KIAA1958: variants seen among roughly 807,000 people sequenced by gnomAD.
KIAA1958 encodes the protein KIAA1958.
Under a neutral mutation model 47.2 loss-of-function variants are expected in KIAA1958, and 14 were observed. The observed-to-expected ratio is 0.30, with a 90% CI of 0.20 to 0.46. The LOEUF is 0.46. Among genes scored for constraint, KIAA1958 ranks in the 20% least tolerant of loss-of-function variants. The pLI, the probability that KIAA1958 is intolerant of heterozygous loss-of-function variation, is 1.00. For synonymous variants in KIAA1958, 354 were observed against 353.3 expected, an observed-to-expected ratio of 1.00 and a Z score of -0.02; for missense variants, 803 against 909.2, an observed-to-expected ratio of 0.88 and a Z score of 1.50.
At chr9:112,643,865 G>A (rs1306835491) in intron 2 of KIAA1958, among the ~76,000 whole-genome samples, 1 of 152,064 alleles carries the variant, frequency 6.6e-6, no homozygotes, top group African/African-American at 2.4e-5. Flanking sequence ...AAAAAAAGAC[G>A]GTATTTTGAT....
Position 112,489,038 on chromosome 9 carries a change from A to C in KIAA1958, c.-25+1920A>C, listed in dbSNP as rs569269213. Among the ~76,000 whole-genome samples, 11 of 152,342 alleles carry C rather than the reference A, an allele frequency of 7.2e-5. No individual in the cohort carries two copies. The South Asian group carries it at 2.3e-3, about 32-fold the overall frequency. On this transcript the variant is annotated intron_variant, in intron 1 of 3. Transcript: ENST00000337530. The stretch of plus-strand genomic sequence containing the variant: ...CAGTCTGCATTAGGTAAATGAATTT[A>C]AATTCTGCACAGAAGCACAGCTCAG...
intron 1 of KIAA1958, among the ~76,000 whole-genome samples, chr9:112,562,218 T>C (rs561608793): frequency 4.5e-4 from 68 of 152,376 alleles, no homozygotes; most frequent in Admixed American, 7.2e-4. Flanking sequence ...TGAGCAATTA[T>C]GAAGTGATTA....
At chr9:112,517,457 T>G (rs1031021426) in intron 1 of KIAA1958, among the ~76,000 whole-genome samples, 4 of 152,242 alleles carry the variant, frequency 2.6e-5, no homozygotes, top group Non-Finnish European at 5.9e-5. Context: ...AAACGGATGA[T>G]AGGATTAATA....
At chr9:112,561,255 C>G (rs552416934) in intron 1 of KIAA1958, among the ~76,000 whole-genome samples, 1 of 151,896 alleles carries the variant, frequency 6.6e-6, no homozygotes. Context: ...GGGGTTTCAC[C>G]GTGTTAGCCA....
At chr9:112,613,085 A>G (rs530661299) in intron 2 of KIAA1958, among the ~76,000 whole-genome samples, 1 of 152,186 alleles carries the variant, frequency 6.6e-6, no homozygotes, top group Non-Finnish European at 1.5e-5. Flanking sequence ...TGAAAATTAT[A>G]TATAATCAAC....
chr9:112,574,059 G>C lies in KIAA1958; in HGVS notation c.-22G>C, dbSNP rs748782585. The C allele has an allele frequency of 1.4e-6, 2 of 1,472,672 alleles. No individual in the cohort carries two copies. Among genetic ancestry groups the C allele is most frequent in the Non-Finnish European group, 1.8e-6 (2 of 1,081,132 alleles). The allele number at this position is 1,472,672 out of a possible 1,614,324, so 91.2% of individuals were successfully genotyped here. ...TTCTTTTGATTATTTCCCTTTAGGA[G>C]TGACACTGCTGATCCTGTAACATGG... is the stretch of plus-strand genomic sequence containing the variant. On this transcript the variant is annotated splice_region_variant and 5_prime_UTR_variant, in exon 2 of 4. Transcript: ENST00000337530.
intron 1 of KIAA1958, among the ~76,000 whole-genome samples, chr9:112,553,308 C>T (rs2060684213): frequency 6.6e-6 from 1 of 151,912 alleles, no homozygotes; most frequent in Non-Finnish European, 1.5e-5. Flanking sequence ...TGGCTTCAGC[C>T]TCCCAAGTAG....
At chr9:112,622,839 T>A (rs139963433) in intron 2 of KIAA1958, among the ~76,000 whole-genome samples, 1 of 152,288 alleles carries the variant, frequency 6.6e-6, no homozygotes, top group Non-Finnish European at 1.5e-5. Flanking sequence ...TGAGAATTTG[T>A]AGTCACATCA....
chr9:112,535,488 A>T (rs1031369952), intron 1 of KIAA1958, among the ~76,000 whole-genome samples: 2 of 151,878 alleles, frequency 1.3e-5, no homozygotes, highest in East Asian at 3.9e-4. Context: ...TCATCTGTTG[A>T]TGCACACTTA....
At chr9:112,565,521 G>A (rs954881448) in intron 1 of KIAA1958, among the ~76,000 whole-genome samples, 1 of 152,214 alleles carries the variant, frequency 6.6e-6, no homozygotes, top group African/African-American at 2.4e-5. Flanking sequence ...TCTTGAAAAT[G>A]TAGAAGCAGC....
chr9:112,489,204 C>T (rs1407050066), intron 1 of KIAA1958, among the ~76,000 whole-genome samples: 2 of 152,174 alleles, frequency 1.3e-5, no homozygotes, highest in Non-Finnish European at 2.9e-5. Context: ...CTCAGAATTT[C>T]AGCACTTAGA....
chr9:112,563,077 C>CTATA (rs1286084023), intron 1 of KIAA1958, among the ~76,000 whole-genome samples: 1 of 73,920 alleles, frequency 1.4e-5, no homozygotes, highest in African/African-American at 7.1e-5. Context: ...CTCTCTCTCT[C>CTATA]TCTCTCTCTA....
intron 1 of KIAA1958, among the ~76,000 whole-genome samples, chr9:112,533,562 C>A (rs1449905771): frequency 8.1e-6 from 1 of 122,896 alleles, no homozygotes; most frequent in African/African-American, 3.2e-5. Context: ...GCCTGGGCGA[C>A]ACAGCGAGAC....
At chr9:112,532,916 C>T (rs1347943647) in intron 1 of KIAA1958, among the ~76,000 whole-genome samples, 2 of 152,000 alleles carry the variant, frequency 1.3e-5, no homozygotes, top group African/African-American at 4.8e-5. Flanking sequence ...ACAAAACTTT[C>T]CAAATTGAAA....
rs141767737 is a variant in KIAA1958 at position 112,633,542 on chromosome 9, A to G, written c.1172-12108A>G. ...ATACTTACTGAAGTATAGCTTGATT[A>G]ATTTTTATGACGCTAATATATTGCT... On this transcript the variant is annotated intron_variant, in intron 2 of 3. Transcript: ENST00000337530. Among the ~76,000 whole-genome samples the G allele has an allele frequency of 1.7e-3, 254 of 152,216 alleles. 3 individuals carry two copies. Among genetic ancestry groups the G allele is most frequent in the African/African-American group, 5.7e-3 (237 of 41,518 alleles).
At chr9:112,597,666 T>C (rs1464624201) in intron 2 of KIAA1958, among the ~76,000 whole-genome samples, 1 of 152,238 alleles carries the variant, frequency 6.6e-6, no homozygotes, top group African/African-American at 2.4e-5. Context: ...TCAGAGTGTT[T>C]AACAGTTGAG....
intron 1 of KIAA1958, among the ~76,000 whole-genome samples, chr9:112,525,918 T>TTTCTTCTTCTTCTTCTTC (rs758525184): frequency 1.0e-5 from 1 of 96,446 alleles, no homozygotes; most frequent in South Asian, 3.7e-4. Flanking sequence ...ATTTATATTC[T>TTTCTTCTTCTTCTTCTTC]TTCTTCTTCT....
chr9:112,497,472 C>G (rs947291863), intron 1 of KIAA1958, among the ~76,000 whole-genome samples: 2 of 152,148 alleles, frequency 1.3e-5, no homozygotes, highest in African/African-American at 4.8e-5. Flanking sequence ...AGAAACCAAG[C>G]CTGCCAACAC....
intron 2 of KIAA1958, among the ~76,000 whole-genome samples, chr9:112,586,551 C>CA (rs151304752): frequency 0.034 from 5,190 of 150,850 alleles, 103 homozygotes; most frequent in African/African-American, 0.049. Context: ...TAGTATTTCA[C>CA]AAAAAAAAAT....
Sources: gnomAD v4.1 joint callset for allele counts (sites outside exome capture counted in the v4.1 genomes callset) on GRCh38, gnomAD v4.1.1 for gene constraint, MANE v1.5 for transcripts, NCBI Gene and HGNC (gene_info 2026-07-23, HGNC 2026-07-21) for gene names.